LPAR1: variants seen among roughly 807,000 people sequenced by gnomAD.
LPAR1 encodes the protein lysophosphatidic acid receptor 1.
Under a neutral mutation model 23.8 loss-of-function variants are expected in LPAR1, and 5 were observed. The observed-to-expected ratio is 0.21, with a 90% CI of 0.11 to 0.44. The LOEUF is 0.44. Ranked by LOEUF, LPAR1 falls within the 20% of genes least tolerant of loss-of-function variation. The probability of loss-of-function intolerance (pLI) is 0.99; values close to 1 mark genes in which losing one functional copy is unlikely to be tolerated. For missense variants in LPAR1, 311 were observed against 482.8 expected (o/e 0.64, Z 3.33); for synonymous variants, 160 against 164.7 (o/e 0.97, Z 0.22).
At chr9:111,030,125 C>T (rs1355661604) in intron 2 of LPAR1, among the ~76,000 whole-genome samples, 1 of 151,646 alleles carries the variant, frequency 6.6e-6, no homozygotes, top group Admixed American at 6.6e-5. Flanking sequence ...ATATCAGCTG[C>T]ATGAAACTAA....
intron 2 of LPAR1, among the ~76,000 whole-genome samples, chr9:110,995,420 T>C (rs976069033): frequency 6.6e-6 from 1 of 152,172 alleles, no homozygotes; most frequent in Non-Finnish European, 1.5e-5. Context: ...TCCTAATATC[T>C]ACTTCAGCAT....
intron 4 of LPAR1, among the ~76,000 whole-genome samples, chr9:110,944,257 TG>T (rs2095293702): frequency 1.3e-5 from 2 of 152,308 alleles, no homozygotes; most frequent in African/African-American, 4.8e-5. Context: ...CTTAATTATC[TG>T]TTGATCCCCT....
rs565310967 is a variant in LPAR1, at chr9:110,961,392, G to A, written c.45+10681C>T. Among the ~76,000 whole-genome samples the A allele has an allele frequency of 6.6e-3, 1,000 of 151,800 alleles. 9 individuals carry two copies. Among genetic ancestry groups the A allele is most frequent in the African/African-American group, 0.022 (916 of 41,410 alleles). ...TCCCAGCACTTTGGGAGGCCGAGACGGGTGGATCACCTGAGGTCAGGAGTT... is the reference window on the plus strand; with the variant it reads ...TCCCAGCACTTTGGGAGGCCGAGACAGGTGGATCACCTGAGGTCAGGAGTT... On this transcript the variant is annotated intron_variant, in intron 4 of 5. Transcript: ENST00000683809.
At chr9:110,885,047 AAAG>A (rs1278984223) in intron 5 of LPAR1, among the ~76,000 whole-genome samples, 10 of 152,314 alleles carry the variant, frequency 6.6e-5, no homozygotes, top group South Asian at 6.2e-4. Flanking sequence ...AGTAATGGAT[AAAG>A]GAGGGCAGGC....
At chr9:110,959,311 G>A (rs149795325) in intron 4 of LPAR1, among the ~76,000 whole-genome samples, 1,552 of 151,670 alleles carry the variant, frequency 0.01, 20 homozygotes, top group African/African-American at 0.035. Context: ...AGGAAAGGAG[G>A]AAAGGAGGAA....
At chr9:110,886,350 G>A (rs1341635041) in intron 5 of LPAR1, among the ~76,000 whole-genome samples, 1 of 103,404 alleles carries the variant, frequency 9.7e-6, no homozygotes, top group Non-Finnish European at 1.8e-5. Context: ...GGCAACAAGA[G>A]CGAAACTCCA....
chr9:110,903,426 G>A (rs576668762), intron 5 of LPAR1: 11 of 152,188 alleles, frequency 7.2e-5, no homozygotes, highest in African/African-American at 1.4e-4. Flanking sequence ...ATGCAAAGTC[G>A]TGACGCATTC....
At chr9:111,008,428 C>T (rs755229048) in intron 2 of LPAR1, among the ~76,000 whole-genome samples, 4 of 152,050 alleles carry the variant, frequency 2.6e-5, no homozygotes, top group African/African-American at 9.7e-5. Context: ...AAGAAATCAA[C>T]TCGGAAAAGA....
intron 2 of LPAR1, among the ~76,000 whole-genome samples, chr9:111,023,520 T>G (rs567252371): frequency 1.1e-4 from 17 of 152,304 alleles, no homozygotes; most frequent in African/African-American, 4.1e-4. Context: ...TTGGATGTTT[T>G]TTTTTTTGGT....
intron 4 of LPAR1, among the ~76,000 whole-genome samples, chr9:110,959,616 T>A (rs4978974): frequency 1.3e-5 from 2 of 151,524 alleles, no homozygotes; most frequent in South Asian, 4.2e-4. Flanking sequence ...AGAACCTGTC[T>A]CAAAAAACAA....
chr9:110,935,937 G>A (rs539863342), intron 5 of LPAR1, among the ~76,000 whole-genome samples: 2 of 152,214 alleles, frequency 1.3e-5, no homozygotes, highest in South Asian at 4.1e-4. Context: ...TACCTACTAG[G>A]TGCTAATCAC....
At chr9:111,024,987 G>A (rs760449716) in intron 2 of LPAR1, among the ~76,000 whole-genome samples, 5 of 152,112 alleles carry the variant, frequency 3.3e-5, no homozygotes, top group Non-Finnish European at 5.9e-5. Flanking sequence ...CTTTGCTATT[G>A]TAAATAGTGC....
At chr9:110,931,226 T>G (rs1432304010) in intron 5 of LPAR1, among the ~76,000 whole-genome samples, 1 of 152,220 alleles carries the variant, frequency 6.6e-6, no homozygotes, top group African/African-American at 2.4e-5. Flanking sequence ...CATCTTGAAG[T>G]CTTTTCCAGA....
intron 5 of LPAR1, among the ~76,000 whole-genome samples, chr9:110,931,344 A>T (rs1368750208): frequency 6.6e-6 from 1 of 152,198 alleles, no homozygotes; most frequent in Non-Finnish European, 1.5e-5. Flanking sequence ...ATCTGTCATT[A>T]TCTGCTACAG....
At chr9:110,936,352 T>A (rs547486201) in intron 5 of LPAR1, among the ~76,000 whole-genome samples, 3 of 152,312 alleles carry the variant, frequency 2.0e-5, no homozygotes, top group Admixed American at 6.5e-5. Context: ...GGTCTTAAAC[T>A]TATCTGACTC....
intron 3 of LPAR1, among the ~76,000 whole-genome samples, chr9:110,972,577 T>C (rs991259233): frequency 1.1e-4 from 16 of 152,102 alleles, no homozygotes; most frequent in African/African-American, 2.9e-4. Context: ...ACGGCTTACA[T>C]AGAGGGCAAA....
rs144667321 is a variant in LPAR1 at position 110,965,611 on chromosome 9, G to C, written c.45+6462C>G. Among the ~76,000 whole-genome samples, 23 of 152,294 alleles carry C rather than the reference G, an allele frequency of 1.5e-4. No homozygotes were observed. The East Asian group carries it at 4.2e-3, about 28-fold the overall frequency. ...CAGTTAGAATGATGATTATTAAAAAGTCAGGAAACAACAGATGCTGAAGAG... is the reference window on the plus strand; with the variant it reads ...CAGTTAGAATGATGATTATTAAAAACTCAGGAAACAACAGATGCTGAAGAG... On this transcript the variant is annotated intron_variant, in intron 4 of 5. Transcript: ENST00000683809.
intron 2 of LPAR1, among the ~76,000 whole-genome samples, chr9:111,022,494 G>C (rs1355702488): frequency 6.6e-6 from 1 of 151,568 alleles, no homozygotes; most frequent in Non-Finnish European, 1.5e-5. Context: ...ATCCTACCAA[G>C]GTAAAAAAAA....
chr9:110,987,346 A>G (rs939870621), intron 2 of LPAR1, among the ~76,000 whole-genome samples: 3 of 150,298 alleles, frequency 2.0e-5, no homozygotes, highest in Non-Finnish European at 3.0e-5. Context: ...ATTATATTCA[A>G]TTGTATAATA....
Sources: allele counts gnomAD v4.1 joint callset (sites outside exome capture counted in the v4.1 genomes callset), GRCh38; gene constraint gnomAD v4.1.1; transcripts MANE v1.5; gene names NCBI Gene and HGNC (gene_info 2026-07-23, HGNC 2026-07-21).